The following SOX13 variants were observed in gnomAD, a reference collection of about 807,000 sequenced individuals.
SOX13 encodes SRY-box transcription factor 13, also known as transcription factor SOX-13.
SOX13 carries 28 observed loss-of-function variants against 71.8 expected under a neutral mutation model. That is an observed-to-expected ratio of 0.39 (90% CI 0.29 to 0.53). The LOEUF (loss-of-function observed/expected upper bound fraction) is 0.53. SOX13 is among the 20% of genes least tolerant of loss of function. SOX13 has a pLI of 0.70. For synonymous variants in SOX13, 309 were observed against 317.8 expected, an observed-to-expected ratio of 0.97 and a Z score of 0.29; for missense variants, 627 against 810.3, an observed-to-expected ratio of 0.77 and a Z score of 2.75.
chr1:204,116,440 A>T (rs1656695628), intron 4 of SOX13, 67 bp from the exon 5 acceptor site: 1 of 1,612,952 alleles, frequency 6.2e-7, no homozygotes, highest in Non-Finnish European at 8.5e-7. Flanking sequence ...GGATGGGTGG[A>T]TAGATGGATG....
rs949478870 is a variant in SOX13, at chr1:204,123,893, A to G, written c.1375+89A>G. 1.9e-5 allele frequency: 28 copies of G among 1,458,138 alleles called. No individual in the cohort carries two copies. The highest frequency in any genetic ancestry group is 2.5e-5 in the Non-Finnish European group (26 of 1,058,188). The allele number at this position is 1,458,138 out of a possible 1,614,324, so 90.3% of individuals were successfully genotyped here. A position where few individuals can be genotyped will look rare whatever the true frequency, so the allele number is the denominator to read the frequency against. On this transcript the variant is annotated intron_variant, in intron 12 of 13. Coordinates refer to ENST00000367204, the MANE Select transcript of SOX13 (RefSeq NM_005686.3). This position sits in a 1 kb window ranked among gnomAD's most constrained non-coding sequence, Gnocchi z 5.0. ...TTCAGGGCTTGCTTGGTGATATTCC[A>G]TACTGTGTTGGACTCCAGTGGAATC...
At chr1:204,082,209 AGT>A (rs899995824) in intron 1 of SOX13, among the ~76,000 whole-genome samples, 12 of 147,876 alleles carry the variant, frequency 8.1e-5, no homozygotes, top group African/African-American at 3.0e-4. Context: ...TGTATCTATG[AGT>A]GTGATGTGTG....
intron 1 of SOX13, among the ~76,000 whole-genome samples, chr1:204,083,566 G>A (rs1655953585): frequency 6.6e-6 from 1 of 152,202 alleles, no homozygotes. Flanking sequence ...CAATCTAGGT[G>A]TGTGGACAGA....
intron 1 of SOX13, among the ~76,000 whole-genome samples, chr1:204,084,087 G>A (rs534798685): frequency 1.1e-4 from 17 of 152,330 alleles, no homozygotes; most frequent in Non-Finnish European, 1.9e-4. Context: ...ATGACTTTGC[G>A]GGAAGAGTGA....
intron 1 of SOX13, among the ~76,000 whole-genome samples, chr1:204,103,403 C>T (rs543406792): frequency 5.9e-5 from 9 of 152,342 alleles, no homozygotes; most frequent in Admixed American, 1.3e-4. Context: ...TAGACATCAG[C>T]GAGGCCTGAG....
rs1356403355 is a variant in SOX13, at chr1:204,125,963, C to T, written c.1698C>T (p.Ser566=). 1 of 1,613,944 alleles carries T rather than the reference C, an allele frequency of 6.2e-7. No individual in the cohort carries two copies. Among genetic ancestry groups the T allele is most frequent in the East Asian group, 2.2e-5 (1 of 44,882 alleles). The change falls in exon 14 of 14, where the codon AGC becomes AGT. Residue 566 remains serine (S), a synonymous_variant. Coordinates refer to ENST00000367204, the MANE Select transcript of SOX13 (RefSeq NM_005686.3). ...TGGTGGAGCACTATGTCCCTCGTAG[C>T]CTGGACCCCAACATGCCTGTGATCG... is the stretch of plus-strand genomic sequence containing the variant. The part of the protein sequence containing the change: ...QPLVEHYVPR[S]LDPNMPVIVN...
chr1:204,088,293 A>T (rs1571569029), intron 1 of SOX13, among the ~76,000 whole-genome samples: 1 of 152,206 alleles, frequency 6.6e-6, no homozygotes, highest in East Asian at 1.9e-4. Flanking sequence ...TGCAAAGGGG[A>T]TGCTGGTCGA....
rs12071283 is a variant in SOX13 at position 204,098,688 on chromosome 1, G to A, written c.-1-14227G>A. 8.7e-3 allele frequency among the ~76,000 whole-genome samples: 1,319 copies of A among 152,290 alleles called. 19 individuals are homozygous for A. The highest frequency in any genetic ancestry group is 0.03 in the African/African-American group (1,256 of 41,560). On this transcript the variant is annotated intron_variant, in intron 1 of 13. Coordinates refer to ENST00000367204, the MANE Select transcript of SOX13 (RefSeq NM_005686.3). Reference sequence around the variant, plus strand: ...TGCGAAGCTAACAGGGAGGTGTGGGGTTAGGTGGTGGGGAGGACTGGCCAG... The same window carrying A: ...TGCGAAGCTAACAGGGAGGTGTGGGATTAGGTGGTGGGGAGGACTGGCCAG...
chr1:204,091,243 G>A (rs970070787), intron 1 of SOX13, among the ~76,000 whole-genome samples: 9 of 152,236 alleles, frequency 5.9e-5, no homozygotes, highest in East Asian at 1.9e-4. Flanking sequence ...AAGACAAGTC[G>A]CGTTTCCTCG....
At chr1:204,077,524 C>T (rs1256815587) in intron 1 of SOX13, among the ~76,000 whole-genome samples, 1 of 152,080 alleles carries the variant, frequency 6.6e-6, no homozygotes, top group Non-Finnish European at 1.5e-5. Flanking sequence ...CTCCCAAAAA[C>T]GTGGTTAACA....
At chr1:204,117,482 TTTA>T (rs1656718223) in intron 6 of SOX13, 108 bp from the exon 7 acceptor site, 2 of 730,418 alleles carry the variant, frequency 2.7e-6, no homozygotes, top group Non-Finnish European at 4.6e-6. Context: ...CTGTCCCTGC[TTTA>T]TCCCCTGTGC....
intron 8 of SOX13, 116 bp downstream of exon 8, chr1:204,122,101 C>A: frequency 9.6e-7 from 1 of 1,038,646 alleles, no homozygotes; most frequent in Non-Finnish European, 1.4e-6. Flanking sequence ...TGTTCTTGTT[C>A]ACCCGCTCCT....
At chr1:204,098,334 G>A (rs557805989) in intron 1 of SOX13, among the ~76,000 whole-genome samples, 5 of 152,188 alleles carry the variant, frequency 3.3e-5, no homozygotes, top group Non-Finnish European at 7.4e-5. Context: ...AAAATTAGCC[G>A]GGCGTGGAGG....
intron 1 of SOX13, among the ~76,000 whole-genome samples, chr1:204,106,208 G>A (rs538175267): frequency 1.2e-4 from 18 of 152,314 alleles, no homozygotes; most frequent in Non-Finnish European, 2.4e-4. Flanking sequence ...AAATGGAATC[G>A]CTTTGCTGCT....
chr1:204,116,908 T>C (rs910973444), intron 5 of SOX13, among the ~76,000 whole-genome samples: 2 of 152,142 alleles, frequency 1.3e-5, no homozygotes, highest in African/African-American at 2.4e-5. Flanking sequence ...GAAGAGCAGC[T>C]TGCAGCTTCC....
chr1:204,086,180 G>A lies in SOX13; in HGVS notation c.-2+12469G>A, dbSNP rs146506783. Among the ~76,000 whole-genome samples, 401 of 152,316 alleles carry A rather than the reference G, an allele frequency of 2.6e-3. 1 individual carries two copies. The highest frequency in any genetic ancestry group is 8.9e-3 in the African/African-American group (370 of 41,580). On this transcript the variant is annotated intron_variant, in intron 1 of 13. Transcript: ENST00000367204. The stretch of plus-strand genomic sequence containing the variant: ...TGGGGCTCATCCCAAGCTCCTTGCC[G>A]GTTCCTCCAGGGTCGGGTGCCAGCT...
chr1:204,120,402 A>C (rs1322909282), intron 7 of SOX13, among the ~76,000 whole-genome samples: 7 of 152,240 alleles, frequency 4.6e-5, no homozygotes, highest in Admixed American at 1.3e-4. Context: ...CGGGACTGGC[A>C]TGGCTGCCTC....
chr1:204,077,440 A>T (rs2102217332), intron 1 of SOX13, among the ~76,000 whole-genome samples: 1 of 152,292 alleles, frequency 6.6e-6, no homozygotes, highest in Non-Finnish European at 1.5e-5. Flanking sequence ...TGGAGAAAAG[A>T]TTGTTTTTGC....
intron 1 of SOX13, among the ~76,000 whole-genome samples, chr1:204,102,260 C>A (rs765018162): frequency 6.6e-6 from 1 of 152,210 alleles, no homozygotes; most frequent in Non-Finnish European, 1.5e-5. Context: ...AGACTAGTTG[C>A]GCTTGTCCTT....
Sources: gnomAD v4.1 joint callset for allele counts (sites outside exome capture counted in the v4.1 genomes callset) on GRCh38, gnomAD v4.1.1 for gene constraint, Gnocchi (gnomAD v3.1) non-coding constraint, MANE v1.5 for transcripts, NCBI Gene and HGNC (gene_info 2026-07-23, HGNC 2026-07-21) for gene names.